ARSG: variants seen among roughly 807,000 people sequenced by gnomAD.
The protein encoded by ARSG is arylsulfatase G.
In ARSG, 37 loss-of-function variants were observed where a neutral mutation model predicts 50.5. That is an observed-to-expected ratio of 0.73 (90% CI 0.56 to 0.96). The LOEUF (loss-of-function observed/expected upper bound fraction) is 0.96, where lower values mean the gene tolerates loss of function less well. ARSG is among the 50% of genes least tolerant of loss of function. The probability of loss-of-function intolerance (pLI) is 0.00; values close to 1 mark genes in which losing one functional copy is unlikely to be tolerated. For synonymous variants in ARSG, 225 were observed against 254.6 expected, an observed-to-expected ratio of 0.88 and a Z score of 1.11; for missense variants, 629 against 675.3, an observed-to-expected ratio of 0.93 and a Z score of 0.76.
At chr17:68,397,181 G>T (rs552680844) in intron 10 of ARSG, among the ~76,000 whole-genome samples, 1 of 152,198 alleles carries the variant, frequency 6.6e-6, no homozygotes, top group Non-Finnish European at 1.5e-5. Flanking sequence ...CTAGTGCCCA[G>T]CAGGGTTAGG....
At chr17:68,368,877 A>G in intron 7 of ARSG, 133 bp downstream of exon 7, 2 of 1,036,526 alleles carry the variant, frequency 1.9e-6, no homozygotes, top group Non-Finnish European at 1.4e-6. Context: ...TGTGGCCCAG[A>G]TAAGGCTTGC....
chr17:68,295,671 ATTTTT>A (rs56840354), intron 1 of ARSG, among the ~76,000 whole-genome samples: 2 of 114,536 alleles, frequency 1.7e-5, no homozygotes, highest in Non-Finnish European at 3.4e-5. Flanking sequence ...TCTAAGACAA[ATTTTT>A]TTTTTTTTTT....
At chr17:68,354,039 T>TA (rs35826430) in intron 5 of ARSG, among the ~76,000 whole-genome samples, 65,215 of 144,284 alleles carry the variant, frequency 0.45, 15,268 homozygotes, top group Non-Finnish European at 0.52. Context: ...TTTTTTTTTT[T>TA]ATTTCAATCC....
intron 6 of ARSG, among the ~76,000 whole-genome samples, chr17:68,362,757 A>T (rs1239301003): frequency 6.6e-6 from 1 of 152,004 alleles, no homozygotes; most frequent in Non-Finnish European, 1.5e-5. Flanking sequence ...AGTATTTTGG[A>T]TTTTCAGATT....
At chr17:68,392,198 T>A (rs2081026557) in intron 9 of ARSG, among the ~76,000 whole-genome samples, 1 of 152,210 alleles carries the variant, frequency 6.6e-6, no homozygotes, top group Admixed American at 6.5e-5. Context: ...CCCTCCTGGC[T>A]CCAGTAAGCC....
In ARSG at chr17:68,339,616, G is replaced by C. The variant is rs78418199; in HGVS notation, c.219-3988G>C. On this transcript the variant is annotated intron_variant, in intron 2 of 11. Transcript: ENST00000621439. ...AAGAGACTAGACCAGTTTTCTTGTA[G>C]AATATCAAAATACTGGTTTGTTAAA... 2.0e-5 allele frequency among the ~76,000 whole-genome samples: 3 copies of C among 152,184 alleles called. No individual in the cohort carries two copies. In the East Asian group the frequency reaches 5.8e-4, roughly 29 times the overall value.
Position 68,335,268 on chromosome 17 carries a change from A to C in ARSG, c.219-8336A>C, listed in dbSNP as rs530063695. On this transcript the variant is annotated intron_variant, in intron 2 of 11. Transcript: ENST00000621439. The stretch of plus-strand genomic sequence containing the variant: ...CACTGTTGTAGTTGAGTGTTATAAG[A>C]GATATGTCGGCCAGGTGGCTCATGC... Among the ~76,000 whole-genome samples the C allele has an allele frequency of 2.0e-5, 3 of 152,148 alleles. No individual in the cohort carries two copies. The South Asian group carries it at 6.2e-4, about 32-fold the overall frequency.
chr17:68,371,821 T>A (rs2079861969), intron 8 of ARSG, among the ~76,000 whole-genome samples: 1 of 152,230 alleles, frequency 6.6e-6, no homozygotes, highest in Non-Finnish European at 1.5e-5. Context: ...ATAATTCATA[T>A]TTATTGACTT....
intron 2 of ARSG, among the ~76,000 whole-genome samples, chr17:68,336,001 C>T (rs1320942325): frequency 3.3e-5 from 5 of 152,100 alleles, no homozygotes; most frequent in African/African-American, 9.7e-5. Flanking sequence ...CAGTTTCAAG[C>T]GATTCTTCTG....
At chr17:68,359,497 C>T (rs1028412530) in intron 6 of ARSG, 2 of 152,192 alleles carry the variant, frequency 1.3e-5, no homozygotes, top group Non-Finnish European at 2.9e-5. Flanking sequence ...GGAGATTCCA[C>T]TCCTCAAGGG....
chr17:68,292,288 C>T (rs905629934), intron 1 of ARSG, among the ~76,000 whole-genome samples: 5 of 152,258 alleles, frequency 3.3e-5, no homozygotes, highest in African/African-American at 1.2e-4. Context: ...CCCATACCCG[C>T]GGGGAGCCCT....
upstream of ARSG, among the ~76,000 whole-genome samples, chr17:68,290,253 C>G (rs797039501): frequency 6.6e-6 from 1 of 152,180 alleles, no homozygotes; most frequent in African/African-American, 2.4e-5. Flanking sequence ...CTAAGACTGA[C>G]GCCCCCCATG....
rs567578506 is a variant in ARSG at position 68,351,049 on chromosome 17, G to A, written c.455-526G>A. On this transcript the variant is annotated intron_variant, in intron 4 of 11. Coordinates refer to ENST00000621439, the MANE Select transcript of ARSG (RefSeq NM_001267727.2). ...ATCCCCATCCCACCATCTCTATCGG[G>A]GGTAACTTCCTGTGATCACTCTTGT... 1.6e-4 allele frequency among the ~76,000 whole-genome samples: 25 copies of A among 152,034 alleles called. 1 individual carries two copies. Among genetic ancestry groups the A allele is most frequent in the Non-Finnish European group, 2.5e-4 (17 of 67,964 alleles).
chr17:68,398,336 G>A lies in ARSG; in HGVS notation c.1213-3024G>A, dbSNP rs957676465. 9.2e-5 allele frequency among the ~76,000 whole-genome samples: 14 copies of A among 152,040 alleles called. No individual in the cohort carries two copies. In the South Asian group the frequency reaches 2.5e-3, roughly 27 times the overall value. On this transcript the variant is annotated intron_variant, in intron 10 of 11. Transcript: ENST00000621439. ...ACATGTATACATATGCATATGTCCA[G>A]GCACATAAATAGAGATATACACACA...
chr17:68,290,636 C>T (rs1405265374), upstream of ARSG, among the ~76,000 whole-genome samples: 3 of 152,214 alleles, frequency 2.0e-5, no homozygotes, highest in African/African-American at 4.8e-5. Context: ...GCCTCAGTGC[C>T]CGGCCTGCGT....
chr17:68,313,565 A>T (rs2076947434), intron 2 of ARSG, among the ~76,000 whole-genome samples: 1 of 152,138 alleles, frequency 6.6e-6, no homozygotes, highest in African/African-American at 2.4e-5. Context: ...ACTTAATGAC[A>T]TCTGCGAAGA....
chr17:68,364,382 T>C (rs1371403766), intron 6 of ARSG, among the ~76,000 whole-genome samples: 1 of 152,180 alleles, frequency 6.6e-6, no homozygotes, highest in Non-Finnish European at 1.5e-5. Context: ...GTTTTGTTTT[T>C]TGTTTATTTG....
chr17:68,262,966 G>A (rs1392562298), intron 1 of ARSG, among the ~76,000 whole-genome samples: 13 of 152,202 alleles, frequency 8.5e-5, no homozygotes, highest in African/African-American at 4.8e-5. Context: ...TAAAGTTTTG[G>A]TTGAATTCTA....
chr17:68,429,474 T>C, the ARSG span, among the ~76,000 whole-genome samples: 1 of 152,244 alleles, frequency 6.6e-6, no homozygotes, highest in East Asian at 1.9e-4. Flanking sequence ...ACAGTGTCAT[T>C]ATAACCAGAA....
Sources: gnomAD v4.1 joint callset for allele counts (sites outside exome capture counted in the v4.1 genomes callset) on GRCh38, gnomAD v4.1.1 for gene constraint, MANE v1.5 for transcripts, NCBI Gene and HGNC (gene_info 2026-07-23, HGNC 2026-07-21) for gene names.